Variants in NELL1 observed in about 807,000 individuals in gnomAD.
NELL1 encodes the protein protein kinase C-binding protein NELL1.
NELL1 carries 76 observed loss-of-function variants against 107.4 expected under a neutral mutation model. The ratio of observed to expected loss-of-function variants is 0.71; its 90% CI spans 0.59 to 0.86. The LOEUF (loss-of-function observed/expected upper bound fraction) is 0.86, where lower values mean the gene tolerates loss of function less well. Ranked by LOEUF, NELL1 falls within the 40% of genes least tolerant of loss-of-function variation. NELL1 has a pLI of 0.00. For synonymous variants in NELL1, 353 were observed against 341.2 expected, an observed-to-expected ratio of 1.03 and a Z score of -0.38; for missense variants, 1,024 against 1,005.5, an observed-to-expected ratio of 1.02 and a Z score of -0.25.
Position 20,746,472 on chromosome 11 carries a change from T to A in NELL1, c.185-37208T>A, listed in dbSNP as rs116276237. ...ATGGAGATATTAATATTGTCCTCCC[T>A]TCACATATGTAGAAAAGCATCGAAG... On this transcript the variant is annotated intron_variant, in intron 2 of 19. Transcript: ENST00000357134. Among the ~76,000 whole-genome samples, 591 of 152,174 alleles carry A rather than the reference T, an allele frequency of 3.9e-3. 1 individual carries two copies. The highest frequency in any genetic ancestry group is 0.014 in the African/African-American group (561 of 41,514).
chr11:21,046,985 G>A (rs1237638662), intron 12 of NELL1, among the ~76,000 whole-genome samples: 1 of 151,272 alleles, frequency 6.6e-6, no homozygotes, highest in Non-Finnish European at 1.5e-5. Flanking sequence ...TCAAAGTGTT[G>A]GGATTACAGG....
chr11:21,143,851 A>G (rs113070719), intron 13 of NELL1, among the ~76,000 whole-genome samples: 2,128 of 152,278 alleles, frequency 0.014, 47 homozygotes, highest in African/African-American at 0.048. Flanking sequence ...AGAGCAGAAG[A>G]TGAGACTTGA....
intron 12 of NELL1, among the ~76,000 whole-genome samples, chr11:21,108,887 G>T (rs1394148714): frequency 6.6e-6 from 1 of 152,102 alleles, no homozygotes; most frequent in Non-Finnish European, 1.5e-5. Context: ...AGAATTTGGA[G>T]ATCTATTTGT....
chr11:21,560,465 CTTGCTG>C, intron 17 of NELL1, 83 bp downstream of exon 17: 1 of 1,252,136 alleles, frequency 8.0e-7, no homozygotes, highest in Non-Finnish European at 1.1e-6. Flanking sequence ...CTCTCTCCCT[CTTGCTG>C]TTGACTGTAG....
At chr11:20,955,406 G>A (rs896732745) in intron 11 of NELL1, among the ~76,000 whole-genome samples, 7 of 152,170 alleles carry the variant, frequency 4.6e-5, no homozygotes, top group Admixed American at 1.3e-4. Context: ...TATCTGAGAG[G>A]ATATATGACA....
intron 14 of NELL1, among the ~76,000 whole-genome samples, chr11:21,302,731 CA>C (rs1849520645): frequency 6.6e-6 from 1 of 151,702 alleles, no homozygotes; most frequent in Non-Finnish European, 1.5e-5. Flanking sequence ...GTGAGTGAAA[CA>C]CTGCTCTAGG....
intron 14 of NELL1, among the ~76,000 whole-genome samples, chr11:21,241,655 T>C (rs1590764537): frequency 6.6e-6 from 1 of 152,120 alleles, no homozygotes; most frequent in East Asian, 1.9e-4. Context: ...CCATCAGATA[T>C]TGGTGGAATG....
chr11:21,332,074 T>C (rs1246130672), intron 14 of NELL1, among the ~76,000 whole-genome samples: 2 of 152,090 alleles, frequency 1.3e-5, no homozygotes, highest in Non-Finnish European at 2.9e-5. Flanking sequence ...GAGGTCTCTA[T>C]TGAATTACTC....
intron 15 of NELL1, among the ~76,000 whole-genome samples, chr11:21,415,639 C>T (rs1242088088): frequency 6.6e-6 from 1 of 151,974 alleles, no homozygotes; most frequent in East Asian, 1.9e-4. Flanking sequence ...TGTGGCGTCT[C>T]TTTAATTGAT....
chr11:21,570,600 G>A (rs1301581694), intron 17 of NELL1, among the ~76,000 whole-genome samples, 164 bp from the exon 18 acceptor site: 1 of 151,756 alleles, frequency 6.6e-6, no homozygotes, highest in African/African-American at 2.4e-5. Context: ...GCAAAATCAG[G>A]GAAAGAAAGG....
intron 13 of NELL1, among the ~76,000 whole-genome samples, chr11:21,186,719 A>G (rs1288131222): frequency 6.6e-6 from 1 of 151,872 alleles, no homozygotes; most frequent in Non-Finnish European, 1.5e-5. Context: ...TTTTTATATC[A>G]CTGGAACATC....
intron 15 of NELL1, among the ~76,000 whole-genome samples, chr11:21,451,084 G>A (rs965471725): frequency 1.8e-4 from 27 of 151,702 alleles, no homozygotes; most frequent in Middle Eastern, 3.4e-3. Context: ...CTACTCAGGA[G>A]GCTGAGGCAG....
intron 14 of NELL1, among the ~76,000 whole-genome samples, chr11:21,265,179 A>G (rs926912291): frequency 6.6e-6 from 1 of 152,044 alleles, no homozygotes; most frequent in Non-Finnish European, 1.5e-5. Context: ...TGAGTAGACT[A>G]TAAACACCTC....
At chr11:21,399,149 A>G (rs1262529516) in intron 15 of NELL1, among the ~76,000 whole-genome samples, 1 of 151,846 alleles carries the variant, frequency 6.6e-6, no homozygotes, top group African/African-American at 2.4e-5. Context: ...AAGCATTACA[A>G]GGGTGGTAAT....
intron 12 of NELL1, among the ~76,000 whole-genome samples, chr11:21,079,386 A>G (rs578071028): frequency 6.6e-6 from 1 of 152,208 alleles, no homozygotes; most frequent in East Asian, 1.9e-4. Flanking sequence ...ATAATTCATA[A>G]AGGTGAATTA....
intron 2 of NELL1, among the ~76,000 whole-genome samples, chr11:20,750,742 A>G (rs1221813098): frequency 6.6e-6 from 1 of 152,030 alleles, no homozygotes; most frequent in African/African-American, 2.4e-5. Context: ...GCACACCACC[A>G]CACCTGGCTA....
rs1481866670 is a variant in NELL1 at position 21,115,876 on chromosome 11, T to C, written c.1426+2162T>C. Among the ~76,000 whole-genome samples the C allele has an allele frequency of 2.0e-5, 3 of 152,052 alleles. No individual in the cohort carries two copies. In the East Asian group the frequency reaches 5.8e-4, roughly 29 times the overall value. On this transcript the variant is annotated intron_variant, in intron 13 of 19. Transcript: ENST00000357134. ...CTCTCAGGAATTTCAGAAATCTTGA[T>C]GAGGACTGTGGATTTTCATAGGTCA...
At chr11:20,858,564 C>T (rs568692748) in intron 4 of NELL1, among the ~76,000 whole-genome samples, 6 of 152,160 alleles carry the variant, frequency 3.9e-5, no homozygotes, top group Non-Finnish European at 8.8e-5. Context: ...ATGGCTGGAT[C>T]TGTGACAGGA....
At chr11:21,545,710 C>G (rs1460749361) in intron 16 of NELL1, among the ~76,000 whole-genome samples, 1 of 151,910 alleles carries the variant, frequency 6.6e-6, no homozygotes, top group African/African-American at 2.4e-5. Flanking sequence ...TGAGTGAAAA[C>G]AGAATGAGAG....
Sources: gnomAD v4.1 joint callset for allele counts (sites outside exome capture counted in the v4.1 genomes callset) on GRCh38, gnomAD v4.1.1 for gene constraint, MANE v1.5 for transcripts, NCBI Gene and HGNC (gene_info 2026-07-23, HGNC 2026-07-21) for gene names.